DSCAM: variants seen among roughly 807,000 people sequenced by gnomAD.
The protein encoded by DSCAM is cell adhesion molecule DSCAM.
DSCAM carries 47 observed loss-of-function variants against 217.7 expected under a neutral mutation model. The ratio of observed to expected loss-of-function variants is 0.22; its 90% CI spans 0.17 to 0.28. The LOEUF (loss-of-function observed/expected upper bound fraction) is 0.28, where lower values mean the gene tolerates loss of function less well. Ranked by LOEUF, DSCAM falls within the 10% of genes least tolerant of loss-of-function variation. The pLI is 1.00. For missense variants in DSCAM, 2,080 were observed against 2,618.3 expected (o/e 0.79, Z 4.49); for synonymous variants, 1,056 against 1,015.3 (o/e 1.04, Z -0.76).
chr21:40,776,533 T>C (rs1335903105), intron 1 of DSCAM, among the ~76,000 whole-genome samples: 1 of 152,026 alleles, frequency 6.6e-6, no homozygotes, highest in Non-Finnish European at 1.5e-5. Flanking sequence ...GGAGCAGGGG[T>C]TGTGAGGGCC....
chr21:40,416,294 C>T (rs895009824), intron 3 of DSCAM, among the ~76,000 whole-genome samples: 4 of 152,150 alleles, frequency 2.6e-5, no homozygotes, highest in Admixed American at 6.5e-5. Context: ...TTGTACTGAT[C>T]GCTTGACCCA....
chr21:40,182,298 C>T (rs1005216085), intron 14 of DSCAM, among the ~76,000 whole-genome samples: 3 of 152,060 alleles, frequency 2.0e-5, no homozygotes, highest in Non-Finnish European at 4.4e-5. Context: ...TCTTATTCTT[C>T]TCAAGGATAA....
intron 1 of DSCAM, among the ~76,000 whole-genome samples, chr21:40,836,136 C>T (rs2123664456): frequency 6.6e-6 from 1 of 152,264 alleles, no homozygotes; most frequent in South Asian, 2.1e-4. Flanking sequence ...CGTTCTAGCT[C>T]ATCTCTTAAG....
intron 1 of DSCAM, among the ~76,000 whole-genome samples, chr21:40,823,907 C>T (rs1318905292): frequency 2.0e-5 from 3 of 151,946 alleles, no homozygotes; most frequent in South Asian, 2.1e-4. Flanking sequence ...CTGTCAATGA[C>T]TCCATTCTGG....
At chr21:40,447,762 A>T (rs530797278) in intron 3 of DSCAM, among the ~76,000 whole-genome samples, 1 of 152,150 alleles carries the variant, frequency 6.6e-6, no homozygotes, top group Non-Finnish European at 1.5e-5. Context: ...AATGACATTA[A>T]TTTTTTTCTC....
Position 40,505,249 on chromosome 21 carries a change from C to T in DSCAM, c.509-136004G>A, listed in dbSNP as rs1176631396. The stretch of plus-strand genomic sequence containing the variant: ...ACAGGCAGCTGGGTTCAAAAACTGC[C>T]AGAGATTCAGCACAGTTTGAAAATG... On this transcript the variant is annotated intron_variant, in intron 3 of 32. Transcript: ENST00000400454. 2.6e-5 allele frequency among the ~76,000 whole-genome samples: 4 copies of T among 152,176 alleles called. No homozygotes were observed. In the East Asian group the frequency reaches 7.7e-4, roughly 29 times the overall value.
intron 32 of DSCAM, among the ~76,000 whole-genome samples, chr21:40,023,510 C>T (rs918884517): frequency 1.1e-4 from 15 of 142,396 alleles, no homozygotes; most frequent in African/African-American, 2.6e-4. Context: ...TCCTATTTCT[C>T]CACATCCTCT....
intron 3 of DSCAM, among the ~76,000 whole-genome samples, chr21:40,592,514 C>T (rs186114776): frequency 2.0e-5 from 3 of 152,288 alleles, no homozygotes; most frequent in Non-Finnish European, 1.5e-5. Context: ...CTCCCTGTCT[C>T]TCCCACTTCA....
chr21:40,313,174 T>G (rs943389493), intron 8 of DSCAM, among the ~76,000 whole-genome samples: 4 of 152,122 alleles, frequency 2.6e-5, no homozygotes, highest in Admixed American at 2.6e-4. Context: ...TAAAGTTCTC[T>G]GTTATGTCCA....
chr21:40,550,482 G>A (rs1056020069), intron 3 of DSCAM, among the ~76,000 whole-genome samples: 10 of 152,108 alleles, frequency 6.6e-5, no homozygotes, highest in Non-Finnish European at 1.3e-4. Flanking sequence ...CCGAGATCAC[G>A]CCATTGCACT....
intron 3 of DSCAM, among the ~76,000 whole-genome samples, chr21:40,393,626 C>T (rs1016379964): frequency 2.0e-5 from 3 of 152,054 alleles, no homozygotes; most frequent in African/African-American, 4.8e-5. Context: ...AATTCCATTA[C>T]CAAGGATGAA....
chr21:40,255,764 G>A (rs1457358312), intron 11 of DSCAM, among the ~76,000 whole-genome samples: 1 of 152,226 alleles, frequency 6.6e-6, no homozygotes, highest in Non-Finnish European at 1.5e-5. Flanking sequence ...GGAATAGAAT[G>A]AGGCTTATAG....
At chr21:40,333,613 C>A (rs906043650) in intron 8 of DSCAM, among the ~76,000 whole-genome samples, 1 of 152,214 alleles carries the variant, frequency 6.6e-6, no homozygotes, top group African/African-American at 2.4e-5. Context: ...GATCCTCCTG[C>A]CTCGGTCTCC....
At chr21:40,082,509 C>T (rs1056282090) in intron 24 of DSCAM, among the ~76,000 whole-genome samples, 23 of 149,474 alleles carry the variant, frequency 1.5e-4, no homozygotes, top group African/African-American at 4.9e-4. Flanking sequence ...AATTGTGACT[C>T]GTACAATTTG....
intron 1 of DSCAM, among the ~76,000 whole-genome samples, chr21:40,778,888 A>G (rs1368304821): frequency 6.6e-6 from 1 of 151,930 alleles, no homozygotes; most frequent in African/African-American, 2.4e-5. Context: ...TCCAGGCATG[A>G]TGGTGCATGC....
At chr21:40,305,209 G>C (rs1304454) in intron 9 of DSCAM, among the ~76,000 whole-genome samples, 2 of 152,062 alleles carry the variant, frequency 1.3e-5, no homozygotes, top group South Asian at 2.1e-4. Context: ...GGCCAACGTG[G>C]TGAAACCTTG....
chr21:40,349,975 A>G (rs971269058), intron 5 of DSCAM, among the ~76,000 whole-genome samples: 1 of 152,212 alleles, frequency 6.6e-6, no homozygotes, highest in Non-Finnish European at 1.5e-5. Flanking sequence ...TATCTTTTAA[A>G]TTAACAAACA....
chr21:40,552,117 C>A (rs2076634950), intron 3 of DSCAM, among the ~76,000 whole-genome samples: 1 of 152,110 alleles, frequency 6.6e-6, no homozygotes, highest in African/African-American at 2.4e-5. Context: ...GGTTCAAGAC[C>A]AGCCTGGCCA....
chr21:40,413,807 T>TA (rs2075345537), intron 3 of DSCAM, among the ~76,000 whole-genome samples: 1 of 152,150 alleles, frequency 6.6e-6, no homozygotes, highest in Non-Finnish European at 1.5e-5. Flanking sequence ...CCCACACAGA[T>TA]AGAGTTAATT....
Sources: gnomAD v4.1 joint callset for allele counts (sites outside exome capture counted in the v4.1 genomes callset) on GRCh38, gnomAD v4.1.1 for gene constraint, MANE v1.5 for transcripts, NCBI Gene and HGNC (gene_info 2026-07-23, HGNC 2026-07-21) for gene names.